Variants in PPP1R21 observed in about 807,000 individuals in gnomAD.
PPP1R21 encodes KLRAQ motif containing 1.
PPP1R21 carries 85 observed loss-of-function variants against 112.8 expected under a neutral mutation model. That is an observed-to-expected ratio of 0.75 (90% CI 0.63 to 0.90). PPP1R21 has a LOEUF of 0.90. PPP1R21 is among the 40% of genes least tolerant of loss of function. The probability of loss-of-function intolerance (pLI) is 0.00; values close to 1 mark genes in which losing one functional copy is unlikely to be tolerated. For missense variants in PPP1R21, 1,199 were observed against 901.5 expected, an observed-to-expected ratio of 1.33 and a Z score of -4.23; for synonymous variants, 381 against 322.3, an observed-to-expected ratio of 1.18 and a Z score of -1.95.
chr2:48,499,433 C>G (rs1209034834), intron 17 of PPP1R21, among the ~76,000 whole-genome samples: 2 of 152,124 alleles, frequency 1.3e-5, no homozygotes, highest in East Asian at 1.9e-4. Flanking sequence ...ATAGAAATAA[C>G]CACAGGAAGC....
intron 17 of PPP1R21, among the ~76,000 whole-genome samples, chr2:48,502,185 A>G (rs141192578): frequency 2.4e-3 from 373 of 152,320 alleles, no homozygotes; most frequent in African/African-American, 8.5e-3. Context: ...CTATTGGGCC[A>G]TGAGTGATAA....
At chr2:48,447,397 C>G (rs1404661203) in intron 1 of PPP1R21, among the ~76,000 whole-genome samples, 1 of 152,078 alleles carries the variant, frequency 6.6e-6, no homozygotes, top group African/African-American at 2.4e-5. Context: ...GGTACTCTTC[C>G]CCCACTGAAT....
At chr2:48,498,444 G>A in intron 16 of PPP1R21, 49 bp from the exon 17 acceptor site, 1 of 1,599,502 alleles carries the variant, frequency 6.3e-7, no homozygotes, top group East Asian at 2.2e-5. Flanking sequence ...GGGCCACTAA[G>A]GTTTATCTGT....
intron 13 of PPP1R21, among the ~76,000 whole-genome samples, chr2:48,482,771 T>C (rs909893736): frequency 1.0e-4 from 10 of 100,342 alleles, no homozygotes; most frequent in Admixed American, 9.2e-4. Context: ...ATCAGATGAC[T>C]TTTTTTTCCC....
chr2:48,496,345 A>G (rs888198627), intron 16 of PPP1R21, among the ~76,000 whole-genome samples: 8 of 152,184 alleles, frequency 5.3e-5, no homozygotes, highest in African/African-American at 1.9e-4. Flanking sequence ...GCAGGACTCT[A>G]ATCTGACTTT....
At chr2:48,505,399 A>G (rs965183751) in intron 17 of PPP1R21, among the ~76,000 whole-genome samples, 165 bp from the exon 18 acceptor site, 4 of 152,230 alleles carry the variant, frequency 2.6e-5, no homozygotes, top group Non-Finnish European at 5.9e-5. Flanking sequence ...AAATGCAGCT[A>G]CCTATCTTCA....
chr2:48,513,196 A>AAGTTTCCTCTGACT (rs1156269256), intron 21 of PPP1R21, among the ~76,000 whole-genome samples: 1 of 151,774 alleles, frequency 6.6e-6, no homozygotes, highest in Non-Finnish European at 1.5e-5. Context: ...GGGAATTTTC[A>AAGTTTCCTCTGACT]AGTTTCCTCT....
chr2:48,465,446 A>G (rs371802237), intron 8 of PPP1R21, 47 bp from the exon 9 acceptor site: 25 of 1,542,452 alleles, frequency 1.6e-5, no homozygotes, highest in Non-Finnish European at 2.2e-5. Flanking sequence ...TTCTTTTAGG[A>G]TAATAATTTG....
intron 8 of PPP1R21, 150 bp downstream of exon 8, chr2:48,465,139 TG>T (rs1668144929): frequency 2.9e-6 from 2 of 689,442 alleles, no homozygotes; most frequent in African/African-American, 3.9e-5. Context: ...TTTATTCAAA[TG>T]TAGCTTGCTT....
At position 48,507,315 on chromosome 2, in the gene PPP1R21, T is replaced by C. The variant is rs201794167; in HGVS notation, c.2015T>C (p.Met672Thr). 1.9e-6 allele frequency: 3 copies of C among 1,586,398 alleles called. No homozygotes were observed. The highest frequency in any genetic ancestry group is 1.2e-5 in the South Asian group (1 of 85,848). ...GAAGACTTAATTAAAAATCACTACA[T>C]GGCAAGGATAGTGGAACTTACGTCT... ...SREDLIKNHYMARIVELTSQL... is the reference protein window; with the variant it reads ...SREDLIKNHYTARIVELTSQL... Residue 672 changes from methionine (M) to threonine (T), a missense_variant, in exon 19 of 22, where the codon ATG becomes ACG. By Grantham distance (81) the Met-to-Thr change is moderately conservative (BLOSUM62 -1). Coordinates refer to ENST00000294952, the MANE Select transcript of PPP1R21 (RefSeq NM_001135629.3).
chr2:48,499,951 T>G (rs1021129707), intron 17 of PPP1R21, among the ~76,000 whole-genome samples: 3 of 151,928 alleles, frequency 2.0e-5, no homozygotes, highest in African/African-American at 7.3e-5. Context: ...TTAACAAACA[T>G]TTTTTTTACA....
At chr2:48,483,261 AAC>A (rs1669115758) in intron 13 of PPP1R21, among the ~76,000 whole-genome samples, 2 of 120,648 alleles carry the variant, frequency 1.7e-5, no homozygotes, top group Non-Finnish European at 3.2e-5. Context: ...AGTGCAGTGC[AAC>A]CTTTCCCTCC....
Position 48,507,749 on chromosome 2 carries a change from C to CTTTTTTTTTTTTT in PPP1R21, c.2085+386_2085+398dup, listed in dbSNP as rs34546075. 1.0e-3 allele frequency among the ~76,000 whole-genome samples: 44 copies of CTTTTTTTTTTTTT among 42,408 alleles called. 12 individuals carry two copies. Among genetic ancestry groups the CTTTTTTTTTTTTT allele is most frequent in the Non-Finnish European group, 1.4e-3 (36 of 25,838 alleles). The allele number at this position is 42,408 out of a possible 152,430, so 27.8% of individuals were successfully genotyped here. A position where few individuals can be genotyped will look rare whatever the true frequency, so the allele number is the denominator to read the frequency against. ...AAGACTGATTTGAGTGAGGCTCTGC[C>CTTTTTTTTTTTTT]TTTTTTTTTTTTTTTTTTTTTTTTT... On this transcript the variant is annotated intron_variant, in intron 19 of 21. Coordinates refer to ENST00000294952, the MANE Select transcript of PPP1R21 (RefSeq NM_001135629.3).
intron 12 of PPP1R21, among the ~76,000 whole-genome samples, chr2:48,476,440 C>G (rs1668757722): frequency 6.6e-6 from 1 of 152,084 alleles, no homozygotes; most frequent in Non-Finnish European, 1.5e-5. Context: ...TTGTGGACAT[C>G]TCTTTTCATT....
intron 4 of PPP1R21, among the ~76,000 whole-genome samples, chr2:48,459,403 A>G (rs904333443): frequency 2.6e-5 from 4 of 152,222 alleles, no homozygotes; most frequent in South Asian, 2.1e-4. Context: ...ATTGAATTCT[A>G]TGTATGCCAG....
At chr2:48,501,502 C>G (rs1490952389) in intron 17 of PPP1R21, among the ~76,000 whole-genome samples, 1 of 152,220 alleles carries the variant, frequency 6.6e-6, no homozygotes, top group East Asian at 1.9e-4. Context: ...AACTCCATTT[C>G]ATAGTTGAGG....
chr2:48,483,335 C>G (rs978104949), intron 13 of PPP1R21, among the ~76,000 whole-genome samples: 1 of 151,420 alleles, frequency 6.6e-6, no homozygotes, highest in Non-Finnish European at 1.5e-5. Context: ...GTGTGCGTCA[C>G]CATGCCGGCT....
intron 19 of PPP1R21, among the ~76,000 whole-genome samples, chr2:48,509,490 G>GACA (rs1338584382): frequency 5.3e-5 from 8 of 152,040 alleles, no homozygotes; most frequent in Non-Finnish European, 1.2e-4. Flanking sequence ...CAGATCACTT[G>GACA]AGGTCAGGGG....
intron 13 of PPP1R21, among the ~76,000 whole-genome samples, chr2:48,482,822 G>A (rs1247945520): frequency 6.6e-6 from 1 of 151,940 alleles, no homozygotes; most frequent in African/African-American, 2.4e-5. Context: ...AGGATGTGCA[G>A]GTTTGTTACA....
Sources: allele counts gnomAD v4.1 joint callset (sites outside exome capture counted in the v4.1 genomes callset), GRCh38; gene constraint gnomAD v4.1.1; transcripts MANE v1.5; gene names NCBI Gene and HGNC (gene_info 2026-07-23, HGNC 2026-07-21).